NIPBL: variants seen among roughly 807,000 people sequenced by gnomAD.
NIPBL encodes nipped-B-like protein.
In NIPBL, 19 loss-of-function variants were observed where a neutral mutation model predicts 321.8. The ratio of observed to expected loss-of-function variants is 0.06; its 90% confidence interval spans 0.04 to 0.09. The LOEUF (loss-of-function observed/expected upper bound fraction) is 0.09, where lower values mean the gene tolerates loss of function less well. Among genes scored for constraint, NIPBL ranks in the 10% least tolerant of loss-of-function variants. The probability of loss-of-function intolerance (pLI) is 1.00; values close to 1 mark genes in which losing one functional copy is unlikely to be tolerated. For missense variants in NIPBL, 2,210 were observed against 3,327.0 expected, an observed-to-expected ratio of 0.66 and a Z score of 8.26; for synonymous variants, 1,106 against 1,114.1, an observed-to-expected ratio of 0.99 and a Z score of 0.14.
At chr5:36,913,771 A>ATCATAATT (rs753857281) in intron 1 of NIPBL, among the ~76,000 whole-genome samples, 11 of 152,208 alleles carry the variant, frequency 7.2e-5, no homozygotes, top group Non-Finnish European at 1.3e-4. Flanking sequence ...ATTATGGGAA[A>ATCATAATT]TTGTTAAGAC....
chr5:36,906,548 T>A (rs1393973086), intron 1 of NIPBL, among the ~76,000 whole-genome samples: 1 of 152,168 alleles, frequency 6.6e-6, no homozygotes, highest in Non-Finnish European at 1.5e-5. Flanking sequence ...CCAGGACAGA[T>A]TTTGTTTTAC....
Position 37,058,895 on chromosome 5 carries a change from T to G in NIPBL, c.7415T>G (p.Met2472Arg). ...TCAAACGATTTTTTCTTTCAGTCTATGGTAAAGGACAAAAGGAAAGAGAGA... is the reference window on the plus strand; with the variant it reads ...TCAAACGATTTTTTCTTTCAGTCTAGGGTAAAGGACAAAAGGAAAGAGAGA... ...SNLLQSFKES[M>R]VKDKRKERKS... The change falls in exon 44 of 47, where the codon ATG becomes AGG. Residue 2472 changes from methionine (M) to arginine (R), a missense_variant. By Grantham distance (91) the Met-to-Arg change is moderately conservative. Coordinates refer to ENST00000282516, the MANE Select transcript of NIPBL (RefSeq NM_133433.4). 6.2e-7 allele frequency: 1 copy of G among 1,613,942 alleles called. No individual in the cohort carries two copies. Among genetic ancestry groups the G allele is most frequent in the Non-Finnish European group, 8.5e-7 (1 of 1,179,962 alleles).
In NIPBL at chr5:37,054,531, A is replaced by T. The variant is rs188625279; in HGVS notation, c.7263+1965A>T. 3.3e-3 allele frequency among the ~76,000 whole-genome samples: 508 copies of T among 152,312 alleles called. 2 individuals are homozygous for T. The highest frequency in any genetic ancestry group is 5.9e-3 in the Non-Finnish European group (402 of 68,032). ...AGTGCCCTGATGGTTTGTGTTGATA[A>T]TATTGTTCCAGTCCTTGTTTCTGTC... On this transcript the variant is annotated intron_variant, in intron 42 of 46. Transcript: ENST00000282516.
At chr5:36,910,170 A>G (rs1019326757) in intron 1 of NIPBL, among the ~76,000 whole-genome samples, 8 of 152,172 alleles carry the variant, frequency 5.3e-5, no homozygotes, top group Non-Finnish European at 1.2e-4. Context: ...GTGACTTCTT[A>G]TATTGTTGAA....
chr5:37,033,582 C>A, intron 32 of NIPBL, among the ~76,000 whole-genome samples: 1 of 149,210 alleles, frequency 6.7e-6, no homozygotes, highest in African/African-American at 2.5e-5. Context: ...ATTCCTACTT[C>A]AGCTCAAAAA....
intron 1 of NIPBL, 65 bp from the exon 2 acceptor site, chr5:36,953,553 C>T: frequency 1.4e-6 from 1 of 734,082 alleles, no homozygotes; most frequent in Non-Finnish European, 2.4e-6. Context: ...AGTGATTAAG[C>T]ATTTTCCTGA....
chr5:36,912,914 A>G (rs1010021718), intron 1 of NIPBL, among the ~76,000 whole-genome samples: 2 of 152,074 alleles, frequency 1.3e-5, no homozygotes, highest in Non-Finnish European at 2.9e-5. Context: ...GTGTCTTTCA[A>G]CCTGAATTTA....
At chr5:37,021,129 T>C (rs1400810742) in intron 27 of NIPBL, among the ~76,000 whole-genome samples, 2 of 152,144 alleles carry the variant, frequency 1.3e-5, no homozygotes, top group Admixed American at 6.5e-5. Context: ...TGAAACCCCG[T>C]CTCTACTAAA....
At chr5:36,923,874 C>T (rs1749144938) in intron 1 of NIPBL, among the ~76,000 whole-genome samples, 1 of 152,134 alleles carries the variant, frequency 6.6e-6, no homozygotes. Context: ...AATATCTAGT[C>T]TTATAAATGG....
rs1752895755 is a variant in NIPBL at position 37,045,644 on chromosome 5, G to A, written c.6498+47G>A. 3.2e-6 allele frequency: 5 copies of A among 1,575,104 alleles called. No individual in the cohort carries two copies. In the South Asian group the frequency reaches 3.3e-5, roughly 10 times the overall value. ...ATGCTATAAAACATAGAGCTATATG[G>A]CACTGTGATCTGAGAATGACAGTAG... is the stretch of plus-strand genomic sequence containing the variant. On this transcript the variant is annotated intron_variant, in intron 37 of 46. Coordinates refer to ENST00000282516, the MANE Select transcript of NIPBL (RefSeq NM_133433.4).
intron 1 of NIPBL, among the ~76,000 whole-genome samples, chr5:36,930,147 C>T (rs879517575): frequency 1.6e-4 from 24 of 152,084 alleles, no homozygotes; most frequent in Admixed American, 5.2e-4. Flanking sequence ...TATGTTGAAT[C>T]TATAGATCAA....
chr5:37,034,443 G>A (rs1332901430), intron 32 of NIPBL, among the ~76,000 whole-genome samples: 1 of 152,086 alleles, frequency 6.6e-6, no homozygotes, highest in Non-Finnish European at 1.5e-5. Flanking sequence ...GCATATACAA[G>A]AGTGCTTATT....
chr5:36,881,685 T>C (rs1034578820), intron 1 of NIPBL, among the ~76,000 whole-genome samples: 7 of 151,966 alleles, frequency 4.6e-5, no homozygotes, highest in African/African-American at 1.4e-4. Flanking sequence ...TATTATCTTT[T>C]GGGTGTTAGT....
At chr5:36,971,645 C>T (rs763563766) in intron 7 of NIPBL, 27 of 164,898 alleles carry the variant, frequency 1.6e-4, no homozygotes, top group Non-Finnish European at 2.8e-4. Flanking sequence ...GCCCTCAAGT[C>T]ATTTACCACC....
At chr5:37,040,308 T>G (rs1752191973) in intron 34 of NIPBL, among the ~76,000 whole-genome samples, 1 of 152,168 alleles carries the variant, frequency 6.6e-6, no homozygotes, top group Admixed American at 6.5e-5. Context: ...GGTAAACTTT[T>G]TCTTAATGTT....
chr5:36,985,813 G>A lies in NIPBL; in HGVS notation c.2633G>A (p.Arg878Lys), dbSNP rs374308470. 4.3e-6 allele frequency: 7 copies of A among 1,613,752 alleles called. No individual in the cohort carries two copies. Among genetic ancestry groups the A allele is most frequent in the Non-Finnish European group, 5.9e-6 (7 of 1,179,920 alleles). Residue 878 changes from arginine (R) to lysine (K), a missense_variant, in exon 10 of 47, where the codon AGG becomes AAG. This residue lies in a region of NIPBL where 588 missense variants were observed against 564.1 expected (regional missense o/e 1.04). Transcript: ENST00000282516. ...CACAGGCATGAATCAGGGGACTCAA[G>A]GGAAAGACCATCTTCTGGGGAACAA... is the stretch of plus-strand genomic sequence containing the variant. ...RKHRHESGDSRERPSSGEQKS... is the reference protein window; with the variant it reads ...RKHRHESGDSKERPSSGEQKS...
At chr5:36,939,848 T>C (rs963159068) in intron 1 of NIPBL, among the ~76,000 whole-genome samples, 31 of 152,134 alleles carry the variant, frequency 2.0e-4, no homozygotes, top group Admixed American at 1.7e-3. Flanking sequence ...ATTAATCCAT[T>C]TATGAGGGCA....
chr5:37,045,138 G>A (rs1752840835), intron 36 of NIPBL, among the ~76,000 whole-genome samples: 1 of 152,122 alleles, frequency 6.6e-6, no homozygotes, highest in African/African-American at 2.4e-5. Flanking sequence ...GATTACCTGA[G>A]GTCGGGAGTT....
chr5:36,982,295 G>A (rs955158162), intron 9 of NIPBL: 3 of 813,152 alleles, frequency 3.7e-6, no homozygotes, highest in Admixed American at 6.3e-5. Flanking sequence ...TGGTTATGAT[G>A]TAATGAAGAC....
Sources: allele counts gnomAD v4.1 joint callset (sites outside exome capture counted in the v4.1 genomes callset), GRCh38; gene constraint gnomAD v4.1.1; regional missense constraint gnomAD v4.1.1; transcripts MANE v1.5; gene names NCBI Gene and HGNC (gene_info 2026-07-23, HGNC 2026-07-21).